Variants in ARHGEF7 observed in about 807,000 individuals in gnomAD.
ARHGEF7 encodes the protein PAK-interacting exchange factor beta.
A neutral mutation model predicts 109.8 loss-of-function variants in ARHGEF7; 33 were observed. That is an observed-to-expected ratio of 0.30 (90% CI 0.23 to 0.40). The LOEUF is 0.40. Ranked by LOEUF, ARHGEF7 falls within the 10% of genes least tolerant of loss-of-function variation. ARHGEF7 has a pLI of 1.00. For missense variants in ARHGEF7, 938 were observed against 1,098.5 expected, an observed-to-expected ratio of 0.85 and a Z score of 2.07; for synonymous variants, 458 against 424.6, an observed-to-expected ratio of 1.08 and a Z score of -0.97.
In ARHGEF7 at chr13:111,267,663, G is replaced by A. The variant is rs764794429; in HGVS notation, c.1066G>A (p.Glu356Lys). 1 of 1,613,770 alleles carries A rather than the reference G, an allele frequency of 6.2e-7. No homozygotes were observed. The highest frequency in any genetic ancestry group is 8.5e-7 in the Non-Finnish European group (1 of 1,179,784). ...NHPSAVNVLT[E>K]HSEELGEFME... ...CCCTTCTGCAGTGAATGTCCTCACG[G>A]AACACAGGTGCGCTTGCTAGGCACC... Residue 356 changes from glutamate to lysine, a missense_variant, in exon 9 of 22, where the codon GAA becomes AAA. Glu to Lys is a moderately conservative substitution (Grantham distance 56). Coordinates refer to ENST00000646102, the MANE Select transcript of ARHGEF7 (RefSeq NM_001354046.2).
At chr13:111,148,726 G>A (rs2075740762) in intron 1 of ARHGEF7, among the ~76,000 whole-genome samples, 1 of 152,222 alleles carries the variant, frequency 6.6e-6, no homozygotes, top group East Asian at 1.9e-4. Flanking sequence ...AAGAGACAAT[G>A]AGAAATATTG....
At chr13:111,256,494 C>T (rs933324390) in intron 8 of ARHGEF7, among the ~76,000 whole-genome samples, 2 of 152,172 alleles carry the variant, frequency 1.3e-5, no homozygotes, top group Admixed American at 1.3e-4. Flanking sequence ...GTTGTTAGCT[C>T]CTGCCTCTGA....
In ARHGEF7 at chr13:111,210,063, A is replaced by G. The variant is rs2082311344; in HGVS notation, c.468+61A>G. On this transcript the variant is annotated intron_variant, in intron 4 of 21. Coordinates refer to ENST00000646102, the MANE Select transcript of ARHGEF7 (RefSeq NM_001354046.2). ...GGGAAGGATATGAGTGTGTATGGAT[A>G]TATCTGAGAAGATACGTATGCCTCC... The G allele has an allele frequency of 3.1e-6, 5 of 1,600,266 alleles. No individual in the cohort carries two copies. The African/African-American group carries it at 4.0e-5, about 13-fold the overall frequency.
At chr13:111,167,160 T>A (rs2077195718) in intron 2 of ARHGEF7, among the ~76,000 whole-genome samples, 1 of 152,132 alleles carries the variant, frequency 6.6e-6, no homozygotes, top group South Asian at 2.1e-4. Flanking sequence ...CTCTTTATCG[T>A]CAGAAAATCA....
intron 11 of ARHGEF7, 139 bp from the exon 12 acceptor site, chr13:111,275,393 A>T: frequency 1.0e-6 from 1 of 991,354 alleles, no homozygotes; most frequent in Non-Finnish European, 1.5e-6. Context: ...ATAATTAAGC[A>T]AATCGCTCAA....
At chr13:111,149,439 C>T (rs947024429) in intron 1 of ARHGEF7, among the ~76,000 whole-genome samples, 1 of 152,128 alleles carries the variant, frequency 6.6e-6, no homozygotes, top group Non-Finnish European at 1.5e-5. Context: ...AATGTAGAGT[C>T]AATTATCATT....
In ARHGEF7 at chr13:111,212,921, G is replaced by A. The variant is rs116643637; in HGVS notation, c.468+2919G>A. 5.8e-3 allele frequency among the ~76,000 whole-genome samples: 889 copies of A among 152,254 alleles called. 7 individuals are homozygous for A. The highest frequency in any genetic ancestry group is 0.02 in the African/African-American group (830 of 41,532). On this transcript the variant is annotated intron_variant, in intron 4 of 21. Transcript: ENST00000646102. Reference sequence around the variant, plus strand: ...TAATTTTTGGCATCTTATATTGGTTGACATGAGGAAACTGAAGCTTAGAGA... The same window carrying A: ...TAATTTTTGGCATCTTATATTGGTTAACATGAGGAAACTGAAGCTTAGAGA...
intron 18 of ARHGEF7, among the ~76,000 whole-genome samples, chr13:111,288,951 TCAG>T (rs922000282): frequency 6.6e-6 from 1 of 152,234 alleles, no homozygotes; most frequent in Non-Finnish European, 1.5e-5. Context: ...ACTAATTTAT[TCAG>T]CAGATTTCAG....
chr13:111,294,782 A>AGT lies in ARHGEF7; in HGVS notation c.2311+2489_2311+2490dup, dbSNP rs1485767772. 2.1e-5 allele frequency: 21 copies of AGT among 985,774 alleles called. No homozygotes were observed. The African/African-American group carries it at 2.4e-4, about 11-fold the overall frequency. 61.1% of individuals were successfully genotyped at this position (985,774 alleles called of 1,614,324 possible). A position where few individuals can be genotyped will look rare whatever the true frequency, so the allele number is the denominator to read the frequency against. On this transcript the variant is annotated intron_variant, in intron 19 of 21. Transcript: ENST00000646102. ...TTCTGTAATATTTATTTGTACAGTTAGTATTCTAATGAAAGGATGAAGAGT... is the reference window on the plus strand; with the variant it reads ...TTCTGTAATATTTATTTGTACAGTTAGTGTATTCTAATGAAAGGATGAAGAGT...
intron 5 of ARHGEF7, among the ~76,000 whole-genome samples, chr13:111,221,529 A>C (rs867566172): frequency 0.21 from 8,219 of 38,812 alleles, 1,630 homozygotes; most frequent in Non-Finnish European, 0.31. Context: ...ATATCTATAT[A>C]TATCTATATA....
chr13:111,284,681 G>C (rs1229631368), intron 16 of ARHGEF7, among the ~76,000 whole-genome samples: 1 of 152,218 alleles, frequency 6.6e-6, no homozygotes, highest in African/African-American at 2.4e-5. Flanking sequence ...CACTGGGAGA[G>C]AAGGGCTCAC....
chr13:111,159,946 G>T (rs1056150901), intron 2 of ARHGEF7, among the ~76,000 whole-genome samples: 42 of 152,140 alleles, frequency 2.8e-4, no homozygotes, highest in African/African-American at 9.7e-4. Flanking sequence ...ATGTCTTGGA[G>T]CTTTCCATGG....
At position 111,273,428 on chromosome 13, in the gene ARHGEF7, G is replaced by T. The variant is rs1055511353; in HGVS notation, c.1074-386G>T. On this transcript the variant is annotated intron_variant, in intron 9 of 21. Coordinates refer to ENST00000646102, the MANE Select transcript of ARHGEF7 (RefSeq NM_001354046.2). This position sits in a 1 kb window ranked among gnomAD's most constrained non-coding sequence, Gnocchi z 4.5. Reference sequence around the variant, plus strand: ...CTCTAGCTCTTTACCGGAGCAGCTCGGTCCTTGTTCTACCACCTTGAGACT... The same window carrying T: ...CTCTAGCTCTTTACCGGAGCAGCTCTGTCCTTGTTCTACCACCTTGAGACT... 2.0e-5 allele frequency among the ~76,000 whole-genome samples: 3 copies of T among 152,198 alleles called. No homozygotes were observed. Among genetic ancestry groups the T allele is most frequent in the African/African-American group, 2.4e-5 (1 of 41,448 alleles).
chr13:111,298,180 T>C (rs1413221049), intron 19 of ARHGEF7, among the ~76,000 whole-genome samples: 7 of 152,270 alleles, frequency 4.6e-5, no homozygotes, highest in Non-Finnish European at 1.0e-4. Context: ...TATCTGAATC[T>C]TTATGAATAT....
At chr13:111,117,255 C>T (rs756940322) in intron 1 of ARHGEF7, among the ~76,000 whole-genome samples, 7 of 152,106 alleles carry the variant, frequency 4.6e-5, no homozygotes, top group African/African-American at 9.7e-5. Flanking sequence ...ATTGATTGGC[C>T]GACTTCAATA....
intron 8 of ARHGEF7, among the ~76,000 whole-genome samples, chr13:111,248,063 A>C (rs142783143): frequency 0.017 from 2,547 of 152,208 alleles, 39 homozygotes; most frequent in Middle Eastern, 0.075. Flanking sequence ...GGAACACTTT[A>C]GTTTTTTGTA....
At chr13:111,165,973 C>G (rs1480697390) in intron 2 of ARHGEF7, among the ~76,000 whole-genome samples, 1 of 152,130 alleles carries the variant, frequency 6.6e-6, no homozygotes, top group Admixed American at 6.5e-5. Context: ...CCTTAAAGAC[C>G]AGCCTCCAGG....
chr13:111,242,749 G>A (rs1397728011), intron 6 of ARHGEF7, among the ~76,000 whole-genome samples: 2 of 152,210 alleles, frequency 1.3e-5, no homozygotes, highest in African/African-American at 4.8e-5. Context: ...GCCGCTGTCT[G>A]GCTCTGCTTT....
intron 2 of ARHGEF7, among the ~76,000 whole-genome samples, chr13:111,204,806 TC>T (rs2081590099): frequency 6.6e-6 from 1 of 152,204 alleles, no homozygotes; most frequent in Non-Finnish European, 1.5e-5. Context: ...TACCCTCACA[TC>T]CACTCTGCTC....
Sources: allele counts gnomAD v4.1 joint callset (sites outside exome capture counted in the v4.1 genomes callset), GRCh38; gene constraint gnomAD v4.1.1; non-coding constraint Gnocchi (gnomAD v3.1); transcripts MANE v1.5; gene names NCBI Gene and HGNC (gene_info 2026-07-23, HGNC 2026-07-21).